The following KDM1B variants were observed in gnomAD, a reference collection of about 807,000 sequenced individuals.
The protein encoded by KDM1B is lysine-specific histone demethylase 2.
In KDM1B, 63 loss-of-function variants were observed where a neutral mutation model predicts 107.4. The ratio of observed to expected loss-of-function variants is 0.59; its 90% CI spans 0.48 to 0.72. KDM1B has a LOEUF of 0.72. Among genes scored for constraint, KDM1B ranks in the 30% least tolerant of loss-of-function variants. The pLI is 0.00. For missense variants in KDM1B, 749 were observed against 1,020.8 expected, an observed-to-expected ratio of 0.73 and a Z score of 3.63; for synonymous variants, 363 against 363.9, an observed-to-expected ratio of 1.00 and a Z score of 0.03.
Position 18,155,510 on chromosome 6 carries a change from C to T in KDM1B, c.-119C>T, listed in dbSNP as rs1360332795. On this transcript the variant is annotated 5_prime_UTR_variant, in exon 1 of 22. Transcript: ENST00000650836. This position sits in a 1 kb window ranked among gnomAD's most constrained non-coding sequence, Gnocchi z 6.2. Reference sequence around the variant, plus strand: ...CTGCAGCCGTCCTGTGCGCGCGGCGCGCGGCTCCGGAGAGGCGCCCGCAGT... The same window carrying T: ...CTGCAGCCGTCCTGTGCGCGCGGCGTGCGGCTCCGGAGAGGCGCCCGCAGT... The T allele has an allele frequency of 3.9e-5, 6 of 153,402 alleles. No individual in the cohort carries two copies. The East Asian group carries it at 1.2e-3, about 30-fold the overall frequency. 9.5% of individuals were successfully genotyped at this position (153,402 alleles called of 1,614,324 possible).
chr6:18,205,974 CAAAAT>C lies in KDM1B; in HGVS notation c.1659+314_1659+318del, dbSNP rs1358362905. Among the ~76,000 whole-genome samples the C allele has an allele frequency of 2.0e-5, 3 of 148,906 alleles. No homozygotes were observed. The highest frequency in any genetic ancestry group is 4.4e-5 in the Non-Finnish European group (3 of 67,918). On this transcript the variant is annotated intron_variant, in intron 15 of 21. Coordinates refer to ENST00000650836, the MANE Select transcript of KDM1B (RefSeq NM_001364614.2). This position sits in a 1 kb window ranked among gnomAD's most constrained non-coding sequence, Gnocchi z 5.7. ...GCCACTGCACTCCAGCCTGGAGTCT[CAAAAT>C]AAATAAATAAATAAAATACTTGTTT...
intron 9 of KDM1B, among the ~76,000 whole-genome samples, chr6:18,188,840 G>A (rs954286334): frequency 1.3e-5 from 2 of 150,910 alleles, no homozygotes; most frequent in Non-Finnish European, 2.9e-5. Flanking sequence ...CTGGAGTGCA[G>A]TGGCGTGATC....
intron 21 of KDM1B, among the ~76,000 whole-genome samples, chr6:18,218,427 ATG>A (rs1789417350): frequency 3.8e-4 from 57 of 151,946 alleles, no homozygotes; most frequent in Admixed American, 3.7e-3. Flanking sequence ...CCAGCCTATG[ATG>A]TCATCTTCTG....
chr6:18,167,363 GAAAAA>G (rs968104118), intron 6 of KDM1B, among the ~76,000 whole-genome samples: 1 of 146,576 alleles, frequency 6.8e-6, no homozygotes, highest in African/African-American at 2.5e-5. Flanking sequence ...CTCAAAAAAA[GAAAAA>G]AAAAATTAAA....
At chr6:18,178,058 G>A (rs1281998919) in intron 7 of KDM1B, among the ~76,000 whole-genome samples, 1 of 151,824 alleles carries the variant, frequency 6.6e-6, no homozygotes, top group Non-Finnish European at 1.5e-5. Context: ...TTTTTTTCCT[G>A]TAATTGTAGA....
chr6:18,191,459 A>G lies in KDM1B; in HGVS notation c.969+78A>G, dbSNP rs1787280022. 7.1e-7 allele frequency: 1 copy of G among 1,410,234 alleles called. No individual in the cohort carries two copies. Among genetic ancestry groups the G allele is most frequent in the Non-Finnish European group, 9.5e-7 (1 of 1,049,144 alleles). 87.4% of individuals were successfully genotyped at this position (1,410,234 alleles called of 1,614,324 possible). ...AAAGGAGGGGATACTTCATCTGGGG[A>G]TGGAACCTTTTATGCCAGGGTTTCT... On this transcript the variant is annotated intron_variant, in intron 10 of 21. Transcript: ENST00000650836. The surrounding 1 kb of genome is among the most constrained non-coding windows in gnomAD (Gnocchi z 5.1).
Position 18,185,737 on chromosome 6 carries a change from G to A in KDM1B, c.535-35G>A, listed in dbSNP as rs112022667. 2,307 of 1,595,084 alleles carry A rather than the reference G, an allele frequency of 1.4e-3. 21 individuals are homozygous for A. In the African/African-American group the frequency reaches 0.026, roughly 18 times the overall value. ...GGATACCTGAGACTATATTTTATAA[G>A]CAACCCTAATTTAACACTTGGTTTT... On this transcript the variant is annotated intron_variant, in intron 7 of 21. Transcript: ENST00000650836.
In KDM1B at chr6:18,187,995, C is replaced by T. The variant is rs932429165; in HGVS notation, c.777C>T (p.Ser259=). ...GKLEHSKAAL[S]VHVPGMNRYF... is the part of the protein sequence containing the mutation. Reference sequence around the variant, plus strand: ...TGGAGCACTCCAAGGCTGCCCTCTCCGTGCACGGTGAGAGCCATTCCTGGG... The same window carrying T: ...TGGAGCACTCCAAGGCTGCCCTCTCTGTGCACGGTGAGAGCCATTCCTGGG... The change falls in exon 9 of 22, where the codon TCC becomes TCT. Residue 259 remains serine, a synonymous_variant. Transcript: ENST00000650836. 33 of 1,550,258 alleles carry T rather than the reference C, an allele frequency of 2.1e-5. No individual in the cohort carries two copies. The highest frequency in any genetic ancestry group is 8.3e-5 in the South Asian group (7 of 84,066).
intron 7 of KDM1B, among the ~76,000 whole-genome samples, chr6:18,178,455 C>T (rs375898268): frequency 1.3e-5 from 2 of 151,928 alleles, no homozygotes; most frequent in Non-Finnish European, 2.9e-5. Context: ...TGCAATGGCA[C>T]GATCTCGGCT....
chr6:18,181,364 AAAGG>A (rs982813427), intron 7 of KDM1B, among the ~76,000 whole-genome samples: 2 of 152,238 alleles, frequency 1.3e-5, no homozygotes, highest in African/African-American at 4.8e-5. Flanking sequence ...TAAAATAAGA[AAAGG>A]AAGCCAAAGT....
rs985210589 is a variant in KDM1B, at chr6:18,223,274, T to TAAATA, written c.*1283_*1287dup. 195 of 152,482 alleles carry TAAATA rather than the reference T, an allele frequency of 1.3e-3. No individual in the cohort carries two copies. Among genetic ancestry groups the TAAATA allele is most frequent in the African/African-American group, 4.5e-3 (186 of 41,492 alleles). 9.4% of individuals were successfully genotyped at this position (152,482 alleles called of 1,614,324 possible). ...TAAAAGTAGGTCAGTTTATAACGAG[T>TAAATA]AAATACCTAACACACCAAGAATGTG... On this transcript the variant is annotated 3_prime_UTR_variant, in exon 22 of 22. Transcript: ENST00000650836.
At chr6:18,177,866 GAC>G (rs1786131221) in intron 7 of KDM1B, among the ~76,000 whole-genome samples, 1 of 152,024 alleles carries the variant, frequency 6.6e-6, no homozygotes, top group African/African-American at 2.4e-5. Context: ...CAGTATTTGC[GAC>G]AGAGCCCAGA....
chr6:18,207,469 C>T lies in KDM1B; in HGVS notation c.1731C>T (p.Pro577=), dbSNP rs377397222. 5.3e-5 allele frequency: 85 copies of T among 1,614,040 alleles called. No individual in the cohort carries two copies. The highest frequency in any genetic ancestry group is 3.3e-4 in the Middle Eastern group (2 of 6,084). Residue 577 remains proline, a synonymous_variant, in exon 16 of 22, where the codon CCC becomes CCT. Transcript: ENST00000650836. Reference sequence around the variant, plus strand: ...CTGGTGACCACACTCTGCTAACTCCCGGGTACTCGGTGATAATTGAAAAAC... The same window carrying T: ...CTGGTGACCACACTCTGCTAACTCCTGGGTACTCGGTGATAATTGAAAAAC... ...QFAGDHTLLT[P]GYSVIIEKLA...
chr6:18,179,996 TG>T (rs1786342624), intron 7 of KDM1B, among the ~76,000 whole-genome samples: 1 of 151,126 alleles, frequency 6.6e-6, no homozygotes, highest in African/African-American at 2.4e-5. Flanking sequence ...CCTGAGTAGC[TG>T]GGACTACAGG....
In KDM1B at chr6:18,205,805, A is replaced by G; in HGVS notation, c.1659+141A>G. ...TCAGGAGATCGAGACCATCCTGGCC[A>G]ACATGGTGAAACCCTGTCTCTACTA... is the stretch of plus-strand genomic sequence containing the variant. On this transcript the variant is annotated intron_variant, in intron 15 of 21. Coordinates refer to ENST00000650836, the MANE Select transcript of KDM1B (RefSeq NM_001364614.2). The surrounding 1 kb of genome is among the most constrained non-coding windows in gnomAD (Gnocchi z 5.7). The G allele has an allele frequency of 1.4e-6, 1 of 716,740 alleles. No homozygotes were observed. The highest frequency in any genetic ancestry group is 2.0e-6 in the Non-Finnish European group (1 of 512,106). 44.4% of individuals were successfully genotyped at this position (716,740 alleles called of 1,614,324 possible).
At chr6:18,170,848 T>G (rs1300470152) in intron 6 of KDM1B, among the ~76,000 whole-genome samples, 2 of 150,258 alleles carry the variant, frequency 1.3e-5, no homozygotes, top group African/African-American at 2.5e-5. Flanking sequence ...TGAGACGGAG[T>G]CTTGCTCCGT....
At chr6:18,221,813 C>T in intron 21 of KDM1B, 96 bp from the exon 22 acceptor site, 1 of 988,360 alleles carries the variant, frequency 1.0e-6, no homozygotes, top group South Asian at 1.6e-5. Context: ...TGGCACAAAT[C>T]TTTATGTTAG....
chr6:18,156,738 GA>G, intron 2 of KDM1B, among the ~76,000 whole-genome samples: 1 of 152,116 alleles, frequency 6.6e-6, no homozygotes, highest in East Asian at 1.9e-4. Context: ...CCAAGGTGGT[GA>G]AACCTGGTCT....
rs996901492 is a variant in KDM1B, at chr6:18,209,582, G to A, written c.1866+1376G>A. Among the ~76,000 whole-genome samples the A allele has an allele frequency of 1.3e-5, 2 of 152,170 alleles. No homozygotes were observed. Among genetic ancestry groups the A allele is most frequent in the African/African-American group, 2.4e-5 (1 of 41,454 alleles). ...AGGCTGGAAAGCCCCACCCTGATGC[G>A]TTCTTGTTGAATTGGCCTCGCTTTT... On this transcript the variant is annotated intron_variant, in intron 17 of 21. Transcript: ENST00000650836. This position sits in a 1 kb window ranked among gnomAD's most constrained non-coding sequence, Gnocchi z 4.3.
Sources: gnomAD v4.1 joint callset for allele counts (sites outside exome capture counted in the v4.1 genomes callset) on GRCh38, gnomAD v4.1.1 for gene constraint, Gnocchi (gnomAD v3.1) non-coding constraint, MANE v1.5 for transcripts, NCBI Gene and HGNC (gene_info 2026-07-23, HGNC 2026-07-21) for gene names.